The following RTN4RL2 variants were observed in gnomAD, a reference collection of about 807,000 sequenced individuals.
RTN4RL2 encodes the protein reticulon 4 receptor like 2.
Under a neutral mutation model 27.8 loss-of-function variants are expected in RTN4RL2, and 9 were observed. That is an observed-to-expected ratio of 0.32 (90% confidence interval 0.20 to 0.57). RTN4RL2 has a LOEUF of 0.57. Among genes scored for constraint, RTN4RL2 ranks in the 20% least tolerant of loss-of-function variants. RTN4RL2 has a pLI of 0.90. For missense variants in RTN4RL2, 436 were observed against 596.8 expected, an observed-to-expected ratio of 0.73 and a Z score of 2.81; for synonymous variants, 285 against 297.9, an observed-to-expected ratio of 0.96 and a Z score of 0.45.
rs559877556 is a variant in RTN4RL2 at position 57,468,759 on chromosome 11, T to C, written c.513+669T>C. The C allele has an allele frequency of 3.9e-5, 60 of 1,534,706 alleles. 1 individual carries two copies. In the South Asian group the frequency reaches 6.7e-4, roughly 17 times the overall value. ...AGATTCCCATTTTCCAAACCTGTCA[T>C]CTCAATGCAGGGGAAGAAAGAAAAG... On this transcript the variant is annotated intron_variant, in intron 2 of 2. Transcript: ENST00000335099.
At chr11:57,472,709 G>C (rs1172976318) in intron 2 of RTN4RL2, among the ~76,000 whole-genome samples, 1 of 152,198 alleles carries the variant, frequency 6.6e-6, no homozygotes, top group Admixed American at 6.5e-5. Flanking sequence ...ATACTACTGA[G>C]CTCACAGCCC....
rs1358916893 is a variant in RTN4RL2 at position 57,460,919 on chromosome 11, AG to A, written c.31+24del. ...AAGGTAAGAACGCCAGCGGCGGGAG[AG>A]CGGAGGGCATCCTGGGGAGAGAAGC... On this transcript the variant is annotated intron_variant, in intron 1 of 2. Transcript: ENST00000335099. 5 of 1,373,714 alleles carry A rather than the reference AG, an allele frequency of 3.6e-6. No homozygotes were observed. In the African/African-American group the frequency reaches 7.5e-5, roughly 21 times the overall value. 85.1% of individuals were successfully genotyped at this position (1,373,714 alleles called of 1,614,324 possible).
rs866308602 is a variant in RTN4RL2, at chr11:57,460,846, C to T, written c.-20C>T. On this transcript the variant is annotated 5_prime_UTR_variant, in exon 1 of 3. Coordinates refer to ENST00000335099, the MANE Select transcript of RTN4RL2 (RefSeq NM_178570.3). ...GAGCGCCCTCCCCCCGCTGCCCCCT[C>T]CCCCGAGCATCGAGACAAGATGCTG... 1 of 1,401,318 alleles carries T rather than the reference C, an allele frequency of 7.1e-7. No individual in the cohort carries two copies. Among genetic ancestry groups the T allele is most frequent in the Non-Finnish European group, 9.4e-7 (1 of 1,063,236 alleles). 86.8% of individuals were successfully genotyped at this position (1,401,318 alleles called of 1,614,324 possible). A position where few individuals can be genotyped will look rare whatever the true frequency, so the allele number is the denominator to read the frequency against.
intron 1 of RTN4RL2, among the ~76,000 whole-genome samples, chr11:57,462,033 G>C (rs954952220): frequency 4.6e-5 from 7 of 151,926 alleles, no homozygotes; most frequent in Non-Finnish European, 7.4e-5. Flanking sequence ...TGGGCCAGAT[G>C]GGGGGTGCTT....
rs1244595317 is a variant in RTN4RL2, at chr11:57,460,647, CCCCGTCGCGCCCCGCCCCGT to C, written c.-211_-192del. On this transcript the variant is annotated 5_prime_UTR_variant, in exon 1 of 3. Transcript: ENST00000335099. ...CGACGGCCAGCCCCAGCCTTCCCCG[CCCCGTCGCGCCCCGCCCCGT>C]CCCGTCGGGGCCGATGGCTCCTCCC... is the stretch of plus-strand genomic sequence containing the variant. 3 of 226,026 alleles carry C rather than the reference CCCCGTCGCGCCCCGCCCCGT, an allele frequency of 1.3e-5. No homozygotes were observed. Among genetic ancestry groups the C allele is most frequent in the East Asian group, 9.7e-5 (1 of 10,280 alleles). The allele number at this position is 226,026 out of a possible 1,614,324, so 14.0% of individuals were successfully genotyped here. A position where few individuals can be genotyped will look rare whatever the true frequency, so the allele number is the denominator to read the frequency against.
intron 1 of RTN4RL2, among the ~76,000 whole-genome samples, chr11:57,461,202 C>A (rs984027824): frequency 1.3e-5 from 2 of 152,146 alleles, no homozygotes; most frequent in African/African-American, 4.8e-5. Flanking sequence ...CTCCGGGGGA[C>A]GCTGAGGACT....
At chr11:57,461,781 G>A (rs1366455421) in intron 1 of RTN4RL2, among the ~76,000 whole-genome samples, 1 of 151,994 alleles carries the variant, frequency 6.6e-6, no homozygotes, top group Non-Finnish European at 1.5e-5. Flanking sequence ...GATGGGGATG[G>A]TGACTAGAGA....
chr11:57,469,014 G>C, intron 2 of RTN4RL2: 1 of 623,112 alleles, frequency 1.6e-6, no homozygotes, highest in Non-Finnish European at 2.9e-6. Context: ...GCTGGAAGGG[G>C]GTGAAAATAT....
In RTN4RL2 at chr11:57,476,759, T is replaced by TG. The variant is rs766724291; in HGVS notation, c.1118dup (p.Tyr374LeufsTer4). On this transcript the variant is annotated frameshift_variant, in exon 3 of 3. Transcript: ENST00000335099. LOFTEE classifies it high-confidence loss of function. This position sits in a 1 kb window ranked among gnomAD's most constrained non-coding sequence, Gnocchi z 8.2. ...GGACGCGCCTACTGAGGACGACTACTGGGGGGGCTACGGGGGTGAGGACCA... is the reference window on the plus strand; with the variant it reads ...GGACGCGCCTACTGAGGACGACTACTGGGGGGGGCTACGGGGGTGAGGACCA... The TG allele has an allele frequency of 5.5e-6, 8 of 1,465,864 alleles. No individual in the cohort carries two copies. Among genetic ancestry groups the TG allele is most frequent in the African/African-American group, 1.5e-5 (1 of 67,390 alleles). 90.8% of individuals were successfully genotyped at this position (1,465,864 alleles called of 1,614,324 possible).
rs200997840 is a variant in RTN4RL2, at chr11:57,467,832, C to A, written c.255C>A (p.Leu85=). The A allele has an allele frequency of 2.2e-5, 36 of 1,614,240 alleles. No individual in the cohort carries two copies. In the African/African-American group the frequency reaches 4.3e-4, roughly 19 times the overall value. The change falls in exon 2 of 3, where the codon CTC becomes CTA. Residue 85 remains leucine (L), a synonymous_variant. Transcript: ENST00000335099. The surrounding 1 kb of genome is among the most constrained non-coding windows in gnomAD (Gnocchi z 5.5). ...CAGGCACCTTTGGGTCCAACCTGCT[C>A]ACCCTGTGGCTCTTCTCCAACAACC... ...LRPGTFGSNL[L]TLWLFSNNLS... is the part of the protein sequence containing the mutation.
chr11:57,463,618 G>A (rs140611617), intron 1 of RTN4RL2, among the ~76,000 whole-genome samples: 28 of 152,218 alleles, frequency 1.8e-4, no homozygotes, highest in Non-Finnish European at 3.2e-4. Flanking sequence ...CTGATACTCT[G>A]TGCATCTTGC....
At chr11:57,474,370 GC>G (rs1421190474) in intron 2 of RTN4RL2, among the ~76,000 whole-genome samples, 1 of 152,192 alleles carries the variant, frequency 6.6e-6, no homozygotes, top group Non-Finnish European at 1.5e-5. Context: ...GAAGGTGGAG[GC>G]TGTGGGTGTA....
Position 57,476,517 on chromosome 11 carries a change from C to T in RTN4RL2, c.869C>T (p.Thr290Ile), listed in dbSNP as rs1184878400. ...TCCAGCTCCGACGTGACCTGCGCCA[C>T]CCCCCCGGAGCGCCAGGGCCGAGAC... ...RVSSSDVTCA[T>I]PPERQGRDLR... Residue 290 changes from threonine to isoleucine, a missense_variant, in exon 3 of 3, where the codon ACC (threonine) becomes ATC (isoleucine). Transcript: ENST00000335099. The surrounding 1 kb of genome is among the most constrained non-coding windows in gnomAD (Gnocchi z 8.2). The T allele has an allele frequency of 2.1e-6, 3 of 1,456,284 alleles. No individual in the cohort carries two copies. Among genetic ancestry groups the T allele is most frequent in the Non-Finnish European group, 2.7e-6 (3 of 1,113,492 alleles). The allele number at this position is 1,456,284 out of a possible 1,614,324, so 90.2% of individuals were successfully genotyped here. A position where few individuals can be genotyped will look rare whatever the true frequency, so the allele number is the denominator to read the frequency against.
chr11:57,463,963 G>A (rs1943503498), intron 1 of RTN4RL2, among the ~76,000 whole-genome samples: 1 of 152,214 alleles, frequency 6.6e-6, no homozygotes, highest in South Asian at 2.1e-4. Flanking sequence ...TCCAGTGAGA[G>A]CCGCTGCGTG....
rs569622687 is a variant in RTN4RL2 at position 57,468,224 on chromosome 11, C to G, written c.513+134C>G. Reference sequence around the variant, plus strand: ...TTCCTGCCTCAGCATCTCCATTTCTCTCTGTCTATGTCTCTTTTCTCTCTT... The same window carrying G: ...TTCCTGCCTCAGCATCTCCATTTCTGTCTGTCTATGTCTCTTTTCTCTCTT... On this transcript the variant is annotated intron_variant, in intron 2 of 2. Transcript: ENST00000335099. The G allele has an allele frequency of 1.6e-4, 148 of 954,654 alleles. 2 individuals carry two copies. The East Asian group carries it at 2.9e-3, about 19-fold the overall frequency. 59.1% of individuals were successfully genotyped at this position (954,654 alleles called of 1,614,324 possible).
At chr11:57,462,973 A>G (rs1405317019) in intron 1 of RTN4RL2, among the ~76,000 whole-genome samples, 2 of 152,210 alleles carry the variant, frequency 1.3e-5, no homozygotes, top group Admixed American at 1.3e-4. Context: ...GCCCAGCCCT[A>G]GGCACCTGGG....
In RTN4RL2 at chr11:57,460,630, A is replaced by C; in HGVS notation, c.-236A>C. ...GCGCGGGCGCTGGGCGTCGACGGCC[A>C]GCCCCAGCCTTCCCCGCCCCGTCGC... is the stretch of plus-strand genomic sequence containing the variant. On this transcript the variant is annotated 5_prime_UTR_variant, in exon 1 of 3. Transcript: ENST00000335099. 1.0e-5 allele frequency: 2 copies of C among 198,994 alleles called. No homozygotes were observed. The highest frequency in any genetic ancestry group is 1.0e-5 in the Non-Finnish European group (1 of 99,912). 12.3% of individuals were successfully genotyped at this position (198,994 alleles called of 1,614,324 possible).
Position 57,468,095 on chromosome 11 carries a change from G to A in RTN4RL2, c.513+5G>A. 1 of 1,583,064 alleles carries A rather than the reference G, an allele frequency of 6.3e-7. No individual in the cohort carries two copies. Among genetic ancestry groups the A allele is most frequent in the Non-Finnish European group, 8.5e-7 (1 of 1,169,632 alleles). On this transcript the variant is annotated splice_donor_5th_base_variant and intron_variant, in intron 2 of 2. Coordinates refer to ENST00000335099, the MANE Select transcript of RTN4RL2 (RefSeq NM_178570.3). The stretch of plus-strand genomic sequence containing the variant: ...AACAGCCTGCTCCACCTACAGGTGA[G>A]CCTGCCCTGCCCCCACCCTCAGCCC...
At position 57,476,969 on chromosome 11, in the gene RTN4RL2, G is replaced by A; in HGVS notation, c.*58G>A. 1.3e-6 allele frequency: 2 copies of A among 1,484,140 alleles called. No homozygotes were observed. The highest frequency in any genetic ancestry group is 1.8e-6 in the Non-Finnish European group (2 of 1,121,852). 91.9% of individuals were successfully genotyped at this position (1,484,140 alleles called of 1,614,324 possible). On this transcript the variant is annotated 3_prime_UTR_variant, in exon 3 of 3. Coordinates refer to ENST00000335099, the MANE Select transcript of RTN4RL2 (RefSeq NM_178570.3). The surrounding 1 kb of genome is among the most constrained non-coding windows in gnomAD (Gnocchi z 8.2). ...GATCCCCGCTTCCCGTCCACCCGGG[G>A]CTGCGGCTCCGGCCCCAGTCGCCCC...
Sources: allele counts gnomAD v4.1 joint callset (sites outside exome capture counted in the v4.1 genomes callset), GRCh38; gene constraint gnomAD v4.1.1; non-coding constraint Gnocchi (gnomAD v3.1); transcripts MANE v1.5; gene names NCBI Gene and HGNC (gene_info 2026-07-23, HGNC 2026-07-21).